The following RIMS3 variants were observed in gnomAD, a reference collection of about 807,000 sequenced individuals.
RIMS3 encodes the protein regulating synaptic membrane exocytosis protein 3.
RIMS3 carries 15 observed loss-of-function variants against 29.2 expected under a neutral mutation model. The observed-to-expected ratio is 0.51, with a 90% CI of 0.34 to 0.79. The LOEUF is 0.79. RIMS3 is among the 30% of genes least tolerant of loss of function. The pLI is 0.01. For synonymous variants in RIMS3, 161 were observed against 170.1 expected, an observed-to-expected ratio of 0.95 and a Z score of 0.41; for missense variants, 342 against 421.4, an observed-to-expected ratio of 0.81 and a Z score of 1.65.
intron 3 of RIMS3, among the ~76,000 whole-genome samples, chr1:40,640,521 G>A (rs548401151): frequency 1.6e-4 from 25 of 152,208 alleles, no homozygotes; most frequent in African/African-American, 5.1e-4. Context: ...TGGATCCTCC[G>A]GAGCCCCCGC....
chr1:40,683,329 G>T, the RIMS3 span, among the ~76,000 whole-genome samples: 3 of 152,252 alleles, frequency 2.0e-5, no homozygotes, highest in Admixed American at 2.0e-4. Context: ...CACTTAAGAG[G>T]TGATGAGGTC....
chr1:40,666,999 TG>T (rs1008442269), upstream of RIMS3, among the ~76,000 whole-genome samples: 2 of 152,080 alleles, frequency 1.3e-5, no homozygotes, highest in Admixed American at 6.6e-5. Context: ...CACTCCAGCC[TG>T]AGTGACAGGG....
chr1:40,672,119 T>C, the RIMS3 span, among the ~76,000 whole-genome samples: 2 of 151,508 alleles, frequency 1.3e-5, no homozygotes, highest in Admixed American at 1.3e-4. Context: ...AAGAACAGAC[T>C]AATACAGTTG....
chr1:40,673,393 CCTT>C, the RIMS3 span: 5 of 152,230 alleles, frequency 3.3e-5, no homozygotes, highest in South Asian at 8.3e-4. Flanking sequence ...GCTGAATTTT[CCTT>C]CTTCTCTGAG....
At chr1:40,670,166 T>C (rs889357998), upstream of RIMS3, among the ~76,000 whole-genome samples, 1 of 152,182 alleles carries the variant, frequency 6.6e-6, no homozygotes, top group Non-Finnish European at 1.5e-5. Context: ...ATTGATTCAT[T>C]CAACAAATAT....
chr1:40,674,130 T>C, the RIMS3 span, among the ~76,000 whole-genome samples: 8 of 152,216 alleles, frequency 5.3e-5, 1 homozygote, highest in African/African-American at 1.9e-4. Flanking sequence ...CCTGCCTTTA[T>C]CTTCATTATA....
upstream of RIMS3, chr1:40,669,394 A>G (rs1642464285): frequency 6.6e-6 from 1 of 152,246 alleles, no homozygotes. Flanking sequence ...ACCTTTGGGA[A>G]AATTCAATAA....
chr1:40,626,046 T>G lies in RIMS3; in HGVS notation c.*471A>C, dbSNP rs1319341138. 3.4e-5 allele frequency: 6 copies of G among 177,852 alleles called. No homozygotes were observed. Among genetic ancestry groups the G allele is most frequent in the East Asian group, 1.5e-4 (1 of 6,770 alleles). The allele number at this position is 177,852 out of a possible 1,614,324, so 11.0% of individuals were successfully genotyped here. On this transcript the variant is annotated 3_prime_UTR_variant, in exon 8 of 8. Coordinates refer to ENST00000372684, the MANE Select transcript of RIMS3 (RefSeq NM_014747.3). ...GTGGCAGAGCCGGGAGAGTCAAGAG[T>G]GGAACAAAAGACAAGACAGAAAACA...
At chr1:40,626,836 G>A in intron 7 of RIMS3, 107 bp from the exon 8 acceptor site, 1 of 962,708 alleles carries the variant, frequency 1.0e-6, no homozygotes, top group Non-Finnish European at 1.7e-6. Context: ...GGAGCAGAGG[G>A]AGCCAGAACT....
At chr1:40,672,048 G>A in the RIMS3 span, among the ~76,000 whole-genome samples, 536 of 152,032 alleles carry the variant, frequency 3.5e-3, 1 homozygote, top group Middle Eastern at 0.014. Flanking sequence ...ATGAGCCACC[G>A]TGCCCAGCCT....
At chr1:40,663,059 T>A (rs1303503591) in intron 1 of RIMS3, among the ~76,000 whole-genome samples, 1 of 152,140 alleles carries the variant, frequency 6.6e-6, no homozygotes, top group African/African-American at 2.4e-5. Flanking sequence ...GGTAAAGCTC[T>A]TCTGTGAGGT....
rs1314915862 is a variant in RIMS3 at position 40,641,893 on chromosome 1, A to C, written c.33T>G (p.Ser11=). ...TCCGCACCACATTCCTGGAGGCCCC[A>C]GATGAGGCAGGACCTGGCTCCCCGT... is the stretch of plus-strand genomic sequence containing the variant. MFNGEPGPAS[S]GASRNVVRSS... The change falls in exon 3 of 8, where the codon TCT becomes TCG. Residue 11 remains serine (S), a synonymous_variant. Coordinates refer to ENST00000372684, the MANE Select transcript of RIMS3 (RefSeq NM_014747.3). 1.9e-6 allele frequency: 3 copies of C among 1,613,722 alleles called. No homozygotes were observed. The South Asian group carries it at 3.3e-5, about 18-fold the overall frequency.
chr1:40,682,500 C>T, the RIMS3 span, among the ~76,000 whole-genome samples: 1 of 151,972 alleles, frequency 6.6e-6, no homozygotes, highest in African/African-American at 2.4e-5. Flanking sequence ...CTTCAGGACA[C>T]ACTTTTGAGT....
intron 3 of RIMS3, among the ~76,000 whole-genome samples, chr1:40,640,912 T>A (rs1450242017): frequency 6.6e-6 from 1 of 152,230 alleles, no homozygotes; most frequent in Non-Finnish European, 1.5e-5. Flanking sequence ...GTGGTTTGCA[T>A]GACTGGTTTT....
chr1:40,636,071 A>T lies in RIMS3; in HGVS notation c.218-14T>A. 6.2e-7 allele frequency: 1 copy of T among 1,601,472 alleles called. No homozygotes were observed. Among genetic ancestry groups the T allele is most frequent in the Non-Finnish European group, 8.5e-7 (1 of 1,179,744 alleles). On this transcript the variant is annotated splice_polypyrimidine_tract_variant and intron_variant, in intron 3 of 7. Coordinates refer to ENST00000372684, the MANE Select transcript of RIMS3 (RefSeq NM_014747.3). The surrounding 1 kb of genome is among the most constrained non-coding windows in gnomAD (Gnocchi z 4.2). The stretch of plus-strand genomic sequence containing the variant: ...TGGTGGCCCCTTCTGTGACCCCCCC[A>T]ACCCCAAGCACAGAGAGGGAACAAG...
chr1:40,680,213 C>T, the RIMS3 span, among the ~76,000 whole-genome samples: 4 of 151,742 alleles, frequency 2.6e-5, no homozygotes, highest in African/African-American at 4.8e-5. Flanking sequence ...CAAAACCATG[C>T]GAGACCAATT....
the RIMS3 span, among the ~76,000 whole-genome samples, chr1:40,687,071 A>G: frequency 6.6e-6 from 1 of 152,118 alleles, no homozygotes; most frequent in Non-Finnish European, 1.5e-5. Context: ...CTGGGTATAT[A>G]CCCCCAATAA....
At chr1:40,672,194 AT>A in the RIMS3 span, among the ~76,000 whole-genome samples, 26,718 of 106,280 alleles carry the variant, frequency 0.25, 1,863 homozygotes, top group East Asian at 0.33. Context: ...TAGCTAGATG[AT>A]TTTTTTTTTT....
At chr1:40,691,925 AG>A in the RIMS3 span, 1 of 334,266 alleles carries the variant, frequency 3.0e-6, no homozygotes, top group Admixed American at 4.1e-5. Flanking sequence ...CGGCGGGGGG[AG>A]GGGCAGCGCT....
Sources: allele counts gnomAD v4.1 joint callset (sites outside exome capture counted in the v4.1 genomes callset), GRCh38; gene constraint gnomAD v4.1.1; non-coding constraint Gnocchi (gnomAD v3.1); transcripts MANE v1.5; gene names NCBI Gene and HGNC (gene_info 2026-07-23, HGNC 2026-07-21).